EPM2A: variants seen among roughly 807,000 people sequenced by gnomAD.
EPM2A encodes EPM2A glucan phosphatase, laforin.
A neutral mutation model predicts 26.5 loss-of-function variants in EPM2A; 21 were observed. The observed-to-expected ratio is 0.79, with a 90% CI of 0.56 to 1.14. EPM2A has a LOEUF of 1.14. Ranked by LOEUF, EPM2A falls within the 50% of genes most tolerant of loss-of-function variation. EPM2A has a pLI of 0.00. For missense variants in EPM2A, 458 were observed against 440.8 expected, an observed-to-expected ratio of 1.04 and a Z score of -0.35; for synonymous variants, 217 against 177.6, an observed-to-expected ratio of 1.22 and a Z score of -1.76.
intron 4 of EPM2A, among the ~76,000 whole-genome samples, chr6:145,386,152 A>G (rs1483076848): frequency 6.6e-6 from 1 of 152,192 alleles, no homozygotes; most frequent in Non-Finnish European, 1.5e-5. Flanking sequence ...AACTATATTC[A>G]GATACTACTT....
chr6:145,502,253 G>A (rs183295431), intron 3 of EPM2A, among the ~76,000 whole-genome samples: 276 of 152,374 alleles, frequency 1.8e-3, no homozygotes, highest in African/African-American at 5.5e-3. Flanking sequence ...TCTTCTTGCT[G>A]TCTTGTCCTG....
intron 4 of EPM2A, among the ~76,000 whole-genome samples, chr6:145,449,274 C>A (rs1245775527): frequency 1.3e-5 from 2 of 152,110 alleles, no homozygotes; most frequent in East Asian, 3.9e-4. Context: ...TCAGGAATGA[C>A]AGCACCAAAG....
At chr6:145,496,454 C>T (rs551931493) in intron 4 of EPM2A, among the ~76,000 whole-genome samples, 3 of 152,284 alleles carry the variant, frequency 2.0e-5, no homozygotes, top group African/African-American at 7.2e-5. Context: ...CCATCTCTTT[C>T]AGGTACACCA....
intron 2 of EPM2A, among the ~76,000 whole-genome samples, chr6:145,553,109 GA>G (rs1780677887): frequency 6.6e-6 from 1 of 152,052 alleles, no homozygotes; most frequent in South Asian, 2.1e-4. Flanking sequence ...TCATGATAAT[GA>G]GTGAGACTCA....
chr6:145,490,577 C>G (rs1195682383), intron 4 of EPM2A: 1 of 694,886 alleles, frequency 1.4e-6, no homozygotes, highest in East Asian at 3.1e-5. Context: ...CCACCTTCTT[C>G]AAGATGGTAA....
chr6:145,437,256 A>ACTTC (rs1313562718), intron 4 of EPM2A, among the ~76,000 whole-genome samples: 1 of 151,600 alleles, frequency 6.6e-6, no homozygotes, highest in Admixed American at 6.6e-5. Context: ...GAAGGTGCTT[A>ACTTC]CTTCCCCTTC....
Position 145,637,186 on chromosome 6 carries a change from C to T in EPM2A, c.477-1700G>A, listed in dbSNP as rs537082041. 4.6e-5 allele frequency: 7 copies of T among 152,296 alleles called. 1 individual carries two copies. The South Asian group carries it at 1.4e-3, about 32-fold the overall frequency. 9.4% of individuals were successfully genotyped at this position (152,296 alleles called of 1,614,324 possible). On this transcript the variant is annotated intron_variant, in intron 2 of 3. Transcript: ENST00000367519. ...TTACTTATTTTTGTAATTTACTTTG[C>T]ATTGCATTGTAAAGATTATTCAGTT...
chr6:145,397,477 T>A (rs1778421144), intron 4 of EPM2A, among the ~76,000 whole-genome samples: 1 of 152,076 alleles, frequency 6.6e-6, no homozygotes, highest in Non-Finnish European at 1.5e-5. Context: ...AGGAAATTGT[T>A]ATTGGTTGGT....
intron 2 of EPM2A, among the ~76,000 whole-genome samples, chr6:145,584,274 A>C (rs1400377090): frequency 2.0e-5 from 3 of 152,106 alleles, no homozygotes; most frequent in Non-Finnish European, 4.4e-5. Flanking sequence ...GTGGTCTGCC[A>C]GCAAAGGAGG....
At chr6:145,664,111 G>A (rs1353349642) in intron 2 of EPM2A, among the ~76,000 whole-genome samples, 8 of 81,430 alleles carry the variant, frequency 9.8e-5, no homozygotes, top group African/African-American at 4.7e-4. Context: ...ATCAACTAAC[G>A]AGCAAAATCA....
rs77375740 is a variant in EPM2A, at chr6:145,518,275, T to C, written c.341-15700A>G. 5.0e-3 allele frequency among the ~76,000 whole-genome samples: 760 copies of C among 152,308 alleles called. 4 individuals carry two copies. Among genetic ancestry groups the C allele is most frequent in the African/African-American group, 0.018 (740 of 41,566 alleles). On this transcript the variant is annotated intron_variant, in intron 2 of 3. Coordinates refer to the EPM2A transcript ENST00000450221. ...TATGTTCTCAGCGAGAAAAGTTTGA[T>C]TTCAGAGAAGTAGAGAAATGCACTT... is the stretch of plus-strand genomic sequence containing the variant.
At chr6:145,663,531 C>T (rs9766596) in intron 2 of EPM2A, among the ~76,000 whole-genome samples, 10,164 of 152,166 alleles carry the variant, frequency 0.067, 1,144 homozygotes, top group African/African-American at 0.23. Context: ...ACCAAATCTA[C>T]GTCTGATTGG....
downstream of EPM2A, among the ~76,000 whole-genome samples, chr6:145,620,318 CT>C (rs1478874792): frequency 1.3e-5 from 2 of 152,134 alleles, no homozygotes. Flanking sequence ...CGCTGACAAT[CT>C]GATGCCGCTG....
intron 2 of EPM2A, chr6:145,671,473 G>C (rs748802993): frequency 1.9e-4 from 142 of 738,756 alleles, no homozygotes; most frequent in Non-Finnish European, 7.3e-5. Flanking sequence ...TGTGATATAA[G>C]CCTTAGCTTT....
At chr6:145,527,982 T>C (rs442254) in intron 2 of EPM2A, among the ~76,000 whole-genome samples, 67,847 of 151,930 alleles carry the variant, frequency 0.45, 15,192 homozygotes, top group South Asian at 0.58. Flanking sequence ...ATGGCTTATA[T>C]GGAAAAAGTT....
chr6:145,586,538 A>C (rs1184448782), intron 2 of EPM2A, among the ~76,000 whole-genome samples: 1 of 152,162 alleles, frequency 6.6e-6, no homozygotes, highest in African/African-American at 2.4e-5. Context: ...TGTATCATTG[A>C]ATCTATAGCC....
intron 4 of EPM2A, among the ~76,000 whole-genome samples, chr6:145,448,720 C>A (rs985579273): frequency 6.6e-6 from 1 of 152,148 alleles, no homozygotes; most frequent in East Asian, 1.9e-4. Flanking sequence ...GTCTTTGAAC[C>A]ATTGCTTATC....
At position 145,538,259 on chromosome 6, in the gene EPM2A, C is replaced by T. The variant is rs555472503; in HGVS notation, c.341-35684G>A. On this transcript the variant is annotated intron_variant, in intron 2 of 3. Transcript: ENST00000450221. The stretch of plus-strand genomic sequence containing the variant: ...ATTACTATTTCTCCACAGAAGAGGC[C>T]TTTTTTTTTTTACATGCTTTGAGTT... Among the ~76,000 whole-genome samples, 32 of 146,000 alleles carry T rather than the reference C, an allele frequency of 2.2e-4. No homozygotes were observed. The South Asian group carries it at 2.2e-3, about 10-fold the overall frequency.
chr6:145,551,922 T>C (rs74631490), intron 2 of EPM2A, among the ~76,000 whole-genome samples: 6,141 of 151,580 alleles, frequency 0.041, 172 homozygotes, highest in Non-Finnish European at 0.063. Flanking sequence ...TAGTAAAGAA[T>C]TTCTAGATTC....
Sources: allele counts gnomAD v4.1 joint callset (sites outside exome capture counted in the v4.1 genomes callset), GRCh38; gene constraint gnomAD v4.1.1; transcripts MANE v1.5; gene names NCBI Gene and HGNC (gene_info 2026-07-23, HGNC 2026-07-21).